The following HEG1 variants were observed in gnomAD, a reference collection of about 807,000 sequenced individuals.
HEG1 encodes the protein heart development protein with EGF like domains 1, also known as protein HEG homolog 1.
HEG1 carries 56 observed loss-of-function variants against 125.6 expected under a neutral mutation model. The ratio of observed to expected loss-of-function variants is 0.45; its 90% confidence interval spans 0.36 to 0.56. HEG1 has a LOEUF of 0.56. Ranked by LOEUF, HEG1 falls within the 20% of genes least tolerant of loss-of-function variation. HEG1 has a pLI of 0.00. For missense variants in HEG1, 1,523 were observed against 1,670.0 expected (o/e 0.91, Z 1.53); for synonymous variants, 644 against 668.5 (o/e 0.96, Z 0.57).
chr3:125,045,826 C>T (rs533554952), intron 1 of HEG1, among the ~76,000 whole-genome samples: 11 of 152,314 alleles, frequency 7.2e-5, no homozygotes, highest in Non-Finnish European at 4.4e-5. Context: ...ATCCTTCCAA[C>T]AACACTGAAG....
At chr3:125,054,011 A>C (rs1937872897) in intron 1 of HEG1, among the ~76,000 whole-genome samples, 1 of 152,212 alleles carries the variant, frequency 6.6e-6, no homozygotes, top group South Asian at 2.1e-4. Flanking sequence ...AGACAGCCTG[A>C]CTACTACCCA....
rs865837023 is a variant in HEG1, at chr3:124,997,822, C to T, written c.3519G>A (p.Ala1173=). 1.1e-5 allele frequency: 17 copies of T among 1,565,286 alleles called. No individual in the cohort carries two copies. The Middle Eastern group carries it at 8.4e-4, about 78-fold the overall frequency. The part of the protein sequence containing the change: ...LLGSQRRIFR[A]GSLCKRKSPE... ...GACTCTTCCGCTTGCACAAGCTGCC[C>T]GCTGGAATGGAAAAACAAGACAGTG... Residue 1173 remains alanine (A), a splice_region_variant and synonymous_variant, in exon 12 of 17, where the codon GCG becomes GCA. Coordinates refer to ENST00000311127, the MANE Select transcript of HEG1 (RefSeq NM_020733.2).
At position 125,002,291 on chromosome 3, in the gene HEG1, G is replaced by A. The variant is rs766234315; in HGVS notation, c.3322C>T (p.Pro1108Ser). Reference sequence around the variant, plus strand: ...TGAACTGTAGATCGGATGTAACTAGGTAACGCTGAAAAACACATATTTAAC... The same window carrying A: ...TGAACTGTAGATCGGATGTAACTAGATAACGCTGAAAAACACATATTTAAC... ...KTLNMCFSAL[P>S]SYIRSTVHAS... Residue 1108 changes from proline (P) to serine (S), a missense_variant, in exon 10 of 17, where the codon CCT becomes TCT. By Grantham distance (74) the Pro-to-Ser change is moderately conservative (BLOSUM62 -1). Transcript: ENST00000311127. 1.2e-6 allele frequency: 2 copies of A among 1,613,618 alleles called. No homozygotes were observed. Among genetic ancestry groups the A allele is most frequent in the South Asian group, 1.1e-5 (1 of 90,992 alleles).
intron 16 of HEG1, among the ~76,000 whole-genome samples, chr3:124,971,769 C>T (rs1293596239): frequency 2.0e-5 from 3 of 148,038 alleles, no homozygotes; most frequent in East Asian, 2.0e-4. Context: ...GGATTATAGG[C>T]GTGAGCCACT....
At chr3:125,038,373 C>G (rs1188403278) in intron 1 of HEG1, among the ~76,000 whole-genome samples, 1 of 152,204 alleles carries the variant, frequency 6.6e-6, no homozygotes, top group Non-Finnish European at 1.5e-5. Context: ...CCTGGTACCC[C>G]AAAAGAACAA....
At chr3:125,053,131 G>A (rs1382666775) in intron 1 of HEG1, among the ~76,000 whole-genome samples, 1 of 152,248 alleles carries the variant, frequency 6.6e-6, no homozygotes, top group African/African-American at 2.4e-5. Context: ...AATGCTGAGG[G>A]AGAGCCGGGA....
intron 6 of HEG1, among the ~76,000 whole-genome samples, chr3:125,011,993 G>A (rs987886750): frequency 1.5e-4 from 23 of 152,162 alleles, no homozygotes; most frequent in Admixed American, 4.6e-4. Context: ...AGCTCTGGCC[G>A]TGCGGTCACT....
chr3:125,024,623 T>C (rs1937389102), intron 3 of HEG1, among the ~76,000 whole-genome samples: 1 of 152,240 alleles, frequency 6.6e-6, no homozygotes, highest in African/African-American at 2.4e-5. Context: ...TCTGATTCCA[T>C]TGCCTAGGCC....
intron 1 of HEG1, among the ~76,000 whole-genome samples, chr3:125,035,536 T>C (rs1937541203): frequency 6.6e-6 from 1 of 152,176 alleles, no homozygotes; most frequent in Admixed American, 6.5e-5. Flanking sequence ...GAGAAAACTA[T>C]AATCGTATAT....
rs1330150054 is a variant in HEG1, at chr3:124,994,741, T to C, written c.3652+2948A>G. Among the ~76,000 whole-genome samples the C allele has an allele frequency of 2.6e-5, 4 of 152,152 alleles. No individual in the cohort carries two copies. In the South Asian group the frequency reaches 6.2e-4, roughly 24 times the overall value. On this transcript the variant is annotated intron_variant, in intron 12 of 16. Coordinates refer to ENST00000311127, the MANE Select transcript of HEG1 (RefSeq NM_020733.2). ...GGCTGGCCTCGAACTCCTGACCTCA[T>C]GATCCTCCCGCCTCAGCCTCCCAAA... is the stretch of plus-strand genomic sequence containing the variant.
At chr3:124,986,999 T>A (rs571815853) in intron 14 of HEG1, among the ~76,000 whole-genome samples, 14 of 152,220 alleles carry the variant, frequency 9.2e-5, no homozygotes, top group Non-Finnish European at 1.8e-4. Context: ...GTTCCCTAGA[T>A]GGATCACTCT....
At chr3:124,974,041 A>T (rs1366777724) in intron 15 of HEG1, 136 bp from the exon 16 acceptor site, 8 of 619,342 alleles carry the variant, frequency 1.3e-5, no homozygotes, top group Admixed American at 6.2e-5. Context: ...ACTGAGTAGT[A>T]TTATTATTGT....
intron 14 of HEG1, among the ~76,000 whole-genome samples, chr3:124,987,952 C>CACACACACACACACAT: frequency 0.045 from 2,464 of 54,448 alleles, 145 homozygotes; most frequent in African/African-American, 0.077. Flanking sequence ...CACACACACA[C>CACACACACACACACAT]ATATATATAT....
At chr3:125,033,973 G>A (rs1262204462) in intron 1 of HEG1, among the ~76,000 whole-genome samples, 1 of 38,270 alleles carries the variant, frequency 2.6e-5, no homozygotes, top group Non-Finnish European at 5.6e-5. Flanking sequence ...ACCCCACCCC[G>A]CCCTATCCGT....
intron 5 of HEG1, chr3:125,014,697 G>A: frequency 1.6e-6 from 2 of 1,247,036 alleles, no homozygotes; most frequent in Non-Finnish European, 2.1e-6. Context: ...AAAAGAGACT[G>A]TGGAAGACAC....
intron 3 of HEG1, 108 bp downstream of exon 3, chr3:125,027,097 C>A: frequency 9.1e-7 from 1 of 1,094,624 alleles, no homozygotes; most frequent in Non-Finnish European, 1.3e-6. Context: ...GGCTTGATGT[C>A]TTTTCCCCTT....
At chr3:125,000,126 G>C (rs1187938126) in intron 11 of HEG1, among the ~76,000 whole-genome samples, 1 of 152,182 alleles carries the variant, frequency 6.6e-6, no homozygotes, top group Non-Finnish European at 1.5e-5. Flanking sequence ...AAACAAGCCT[G>C]TTTTTTTCAG....
In HEG1 at chr3:124,970,407, GAGACT is replaced by G; in HGVS notation, c.*240_*244del. 1 of 474,718 alleles carries G rather than the reference GAGACT, an allele frequency of 2.1e-6. No individual in the cohort carries two copies. Among genetic ancestry groups the G allele is most frequent in the Non-Finnish European group, 3.8e-6 (1 of 264,284 alleles). 29.4% of individuals were successfully genotyped at this position (474,718 alleles called of 1,614,324 possible). On this transcript the variant is annotated 3_prime_UTR_variant, in exon 17 of 17. Coordinates refer to ENST00000311127, the MANE Select transcript of HEG1 (RefSeq NM_020733.2). ...CAGTGCCATGGTGCAGTCACTCAGA[GAGACT>G]CTCTTGATACTGGCCCACATTCACG... is the stretch of plus-strand genomic sequence containing the variant.
intron 3 of HEG1, among the ~76,000 whole-genome samples, chr3:125,022,238 TA>T (rs1456903645): frequency 6.6e-6 from 1 of 152,046 alleles, no homozygotes; most frequent in African/African-American, 2.4e-5. Flanking sequence ...CTAAAAATAA[TA>T]AAAAGTACTC....
Sources: allele counts gnomAD v4.1 joint callset (sites outside exome capture counted in the v4.1 genomes callset), GRCh38; gene constraint gnomAD v4.1.1; transcripts MANE v1.5; gene names NCBI Gene and HGNC (gene_info 2026-07-23, HGNC 2026-07-21).